The following CACNB4 variants were observed in gnomAD, a reference collection of about 807,000 sequenced individuals.
The protein encoded by CACNB4 is calcium voltage-gated channel auxiliary subunit beta 4.
A neutral mutation model predicts 71.2 loss-of-function variants in CACNB4; 32 were observed. The ratio of observed to expected loss-of-function variants is 0.45; its 90% CI spans 0.34 to 0.60. The LOEUF (loss-of-function observed/expected upper bound fraction) is 0.60. Among genes scored for constraint, CACNB4 ranks in the 20% least tolerant of loss-of-function variants. CACNB4 has a pLI of 0.01. For synonymous variants in CACNB4, 231 were observed against 236.9 expected, an observed-to-expected ratio of 0.97 and a Z score of 0.23; for missense variants, 464 against 647.9, an observed-to-expected ratio of 0.72 and a Z score of 3.08.
intron 12 of CACNB4, among the ~76,000 whole-genome samples, chr2:151,843,096 G>A (rs1401812892): frequency 2.0e-5 from 3 of 152,162 alleles, no homozygotes; most frequent in Admixed American, 6.5e-5. Flanking sequence ...TGCTGTCCAC[G>A]TTTCGGACAG....
chr2:152,049,314 G>A (rs898504890), intron 2 of CACNB4, among the ~76,000 whole-genome samples: 1 of 152,040 alleles, frequency 6.6e-6, no homozygotes. Flanking sequence ...ACAGGTGCAT[G>A]CCACCAGTAC....
intron 2 of CACNB4, among the ~76,000 whole-genome samples, chr2:151,943,614 T>C (rs544721834): frequency 2.9e-4 from 44 of 152,336 alleles, no homozygotes; most frequent in Admixed American, 9.8e-4. Context: ...AACTGACTAA[T>C]ATTAATCATG....
intron 2 of CACNB4, among the ~76,000 whole-genome samples, chr2:152,056,370 A>G (rs549311095): frequency 1.8e-4 from 27 of 152,170 alleles, no homozygotes; most frequent in Non-Finnish European, 3.1e-4. Flanking sequence ...CAAAAAAAAA[A>G]AAAAAGAAAT....
At chr2:152,021,510 A>T (rs1464532341) in intron 2 of CACNB4, among the ~76,000 whole-genome samples, 1 of 152,204 alleles carries the variant, frequency 6.6e-6, no homozygotes. Flanking sequence ...TTTGCCTCAA[A>T]ATTTCAGTAG....
chr2:152,014,730 CAA>C (rs149045123), intron 2 of CACNB4, among the ~76,000 whole-genome samples: 20 of 125,568 alleles, frequency 1.6e-4, no homozygotes, highest in Middle Eastern at 4.1e-3. Flanking sequence ...AACTCTGTCT[CAA>C]AAAAAAAAAA....
chr2:152,073,947 C>A (rs1411848092), intron 2 of CACNB4, among the ~76,000 whole-genome samples: 1 of 152,148 alleles, frequency 6.6e-6, no homozygotes. Flanking sequence ...GGGATAGGGG[C>A]AGGCAGGATA....
intron 10 of CACNB4, chr2:151,859,498 T>C (rs1207396095): frequency 6.6e-6 from 1 of 152,212 alleles, no homozygotes; most frequent in East Asian, 1.9e-4. Flanking sequence ...CAACCTAACT[T>C]AATGTCCCTG....
intron 2 of CACNB4, among the ~76,000 whole-genome samples, chr2:151,975,085 G>C (rs1287423040): frequency 6.6e-6 from 1 of 152,186 alleles, no homozygotes; most frequent in Admixed American, 6.5e-5. Context: ...CCGCCAAAAT[G>C]AGGTAAGAAA....
chr2:151,871,197 G>A (rs2099844542), intron 6 of CACNB4: 1 of 296,284 alleles, frequency 3.4e-6, no homozygotes, highest in Non-Finnish European at 6.2e-6. Context: ...GCACAGTGTT[G>A]CTGGGAACAA....
chr2:151,956,661 C>T (rs1003148366), intron 2 of CACNB4, among the ~76,000 whole-genome samples: 6 of 152,150 alleles, frequency 3.9e-5, no homozygotes, highest in African/African-American at 7.2e-5. Context: ...ACACTTTAAA[C>T]GGCTGAATTC....
chr2:152,089,757 C>T (rs1451279635), intron 2 of CACNB4, among the ~76,000 whole-genome samples: 1 of 151,586 alleles, frequency 6.6e-6, no homozygotes, highest in Admixed American at 6.6e-5. Context: ...TATGGTGAGA[C>T]CCCATTTCTA....
chr2:151,994,574 C>T (rs111691402), intron 2 of CACNB4, among the ~76,000 whole-genome samples: 3,430 of 152,094 alleles, frequency 0.023, 52 homozygotes, highest in Non-Finnish European at 0.036. Flanking sequence ...TGCAGTGGTA[C>T]AATCTTGGCT....
intron 2 of CACNB4, among the ~76,000 whole-genome samples, chr2:151,891,251 G>C (rs1397653720): frequency 6.6e-6 from 1 of 152,136 alleles, no homozygotes; most frequent in Admixed American, 6.5e-5. Context: ...CCCATGAATG[G>C]AGATAACAGC....
At position 152,015,463 on chromosome 2, in the gene CACNB4, C is replaced by G. The variant is rs1683290201; in HGVS notation, c.147+82867G>C. On this transcript the variant is annotated intron_variant, in intron 2 of 13. Transcript: ENST00000539935. ...TTTTTTTTAACTAAAAATATATCAT[C>G]TGTAAGTTCTAGTGTCCCCCTATGG... 2.0e-5 allele frequency among the ~76,000 whole-genome samples: 3 copies of G among 152,184 alleles called. No homozygotes were observed. The South Asian group carries it at 6.2e-4, about 31-fold the overall frequency.
chr2:152,020,585 G>A (rs1423206035), intron 2 of CACNB4, among the ~76,000 whole-genome samples: 3 of 152,222 alleles, frequency 2.0e-5, no homozygotes, highest in Non-Finnish European at 4.4e-5. Flanking sequence ...GAGTTAGTAG[G>A]TTTTTGTGTT....
intron 2 of CACNB4, chr2:151,973,511 A>C (rs1240641269): frequency 6.0e-6 from 4 of 664,176 alleles, no homozygotes; most frequent in African/African-American, 5.5e-5. Context: ...AACTACACAG[A>C]GAACATTTAC....
chr2:152,001,865 C>G (rs16830576), intron 2 of CACNB4, among the ~76,000 whole-genome samples: 7,239 of 152,210 alleles, frequency 0.048, 556 homozygotes, highest in African/African-American at 0.17. Context: ...TGTAAATGGT[C>G]AGCAAGAGCT....
chr2:151,876,598 T>A (rs995120431), intron 4 of CACNB4, 42 bp from the exon 5 acceptor site: 5 of 1,242,302 alleles, frequency 4.0e-6, no homozygotes, highest in Non-Finnish European at 5.5e-6. Context: ...GTAATTCACT[T>A]ATCTTCACGT....
chr2:151,906,794 T>A (rs1335026728), intron 2 of CACNB4, among the ~76,000 whole-genome samples: 2 of 152,178 alleles, frequency 1.3e-5, no homozygotes, highest in Non-Finnish European at 2.9e-5. Context: ...AGCTTGTCAC[T>A]CCCTAGCTCC....
Sources: allele counts gnomAD v4.1 joint callset (sites outside exome capture counted in the v4.1 genomes callset), GRCh38; gene constraint gnomAD v4.1.1; transcripts MANE v1.5; gene names NCBI Gene and HGNC (gene_info 2026-07-23, HGNC 2026-07-21).